Variants in APBA1 observed in about 807,000 individuals in gnomAD.
APBA1 encodes amyloid-beta A4 precursor protein-binding family A member 1.
A neutral mutation model predicts 86.6 loss-of-function variants in APBA1; 55 were observed. That is an observed-to-expected ratio of 0.64 (90% confidence interval 0.51 to 0.80). The LOEUF (loss-of-function observed/expected upper bound fraction) is 0.80. Ranked by LOEUF, APBA1 falls within the 30% of genes least tolerant of loss-of-function variation. The probability of loss-of-function intolerance (pLI) is 0.00; values close to 1 mark genes in which losing one functional copy is unlikely to be tolerated. For synonymous variants in APBA1, 511 were observed against 493.9 expected (o/e 1.03, Z -0.46); for missense variants, 1,090 against 1,183.0 (o/e 0.92, Z 1.15).
chr9:69,555,365 G>T (rs896431862), intron 1 of APBA1, among the ~76,000 whole-genome samples: 5 of 152,146 alleles, frequency 3.3e-5, no homozygotes, highest in Non-Finnish European at 2.9e-5. Flanking sequence ...TATGAGTTTT[G>T]AAGGCTGGGG....
At chr9:69,610,148 T>C (rs991316895) in intron 1 of APBA1, among the ~76,000 whole-genome samples, 9 of 152,038 alleles carry the variant, frequency 5.9e-5, no homozygotes, top group Admixed American at 1.3e-4. Context: ...TGAGACTCTG[T>C]CTCCACAAAA....
intron 1 of APBA1, among the ~76,000 whole-genome samples, chr9:69,596,756 CA>C (rs1337899945): frequency 2.0e-5 from 3 of 152,206 alleles, no homozygotes; most frequent in Non-Finnish European, 4.4e-5. Context: ...CATCTAGAAG[CA>C]GAGGGCAGAT....
intron 1 of APBA1, among the ~76,000 whole-genome samples, chr9:69,642,470 G>T (rs1823306714): frequency 6.6e-6 from 1 of 152,152 alleles, no homozygotes; most frequent in African/African-American, 2.4e-5. Flanking sequence ...TGACAAGGAT[G>T]CAGAACAACT....
chr9:69,559,864 T>C (rs894080795), intron 1 of APBA1, among the ~76,000 whole-genome samples: 2 of 152,242 alleles, frequency 1.3e-5, no homozygotes, highest in African/African-American at 2.4e-5. Context: ...AAAGAATTGA[T>C]AGAAGTCAAT....
At chr9:69,557,235 A>G (rs1460776512) in intron 1 of APBA1, among the ~76,000 whole-genome samples, 2 of 152,218 alleles carry the variant, frequency 1.3e-5, no homozygotes, top group East Asian at 3.8e-4. Context: ...AAGAGAATCT[A>G]TGGCCAAGTC....
At chr9:69,572,738 TCCTCCA>T (rs1837135704) in intron 1 of APBA1, among the ~76,000 whole-genome samples, 1 of 152,176 alleles carries the variant, frequency 6.6e-6, no homozygotes, top group African/African-American at 2.4e-5. Context: ...AACTGAAAAC[TCCTCCA>T]CATGAGAGCT....
Position 69,580,964 on chromosome 9 carries a change from T to G in APBA1, c.-69-63685A>C, listed in dbSNP as rs190820196. On this transcript the variant is annotated intron_variant, in intron 1 of 12. Transcript: ENST00000265381. ...TGGGTATTCTGACCTGGATCCATCT[T>G]TGCCATGCCTCTGTGAGCCTCTGAT... 3.2e-3 allele frequency among the ~76,000 whole-genome samples: 485 copies of G among 152,296 alleles called. 11 individuals carry two copies. Among genetic ancestry groups the G allele is most frequent in the Admixed American group, 0.029 (450 of 15,292 alleles).
intron 2 of APBA1, among the ~76,000 whole-genome samples, chr9:69,482,129 A>G (rs1835521024): frequency 6.6e-6 from 1 of 151,968 alleles, no homozygotes; most frequent in Non-Finnish European, 1.5e-5. Context: ...ATGGGATCTA[A>G]TTAAACTAAA....
chr9:69,613,453 A>G (rs1310562791), intron 1 of APBA1, among the ~76,000 whole-genome samples: 1 of 152,034 alleles, frequency 6.6e-6, no homozygotes, highest in African/African-American at 2.4e-5. Context: ...GAAGCTTTTC[A>G]GGTTCTTGTC....
rs1167310270 is a variant in APBA1, at chr9:69,430,729, C to T, written c.*598G>A. On this transcript the variant is annotated 3_prime_UTR_variant, in exon 13 of 13. Coordinates refer to ENST00000265381, the MANE Select transcript of APBA1 (RefSeq NM_001163.4). Reference sequence around the variant, plus strand: ...CCTTTTATCCTGGGGTGAGAAGGCTCGTATTAGAAAACACACATACGTTGA... The same window carrying T: ...CCTTTTATCCTGGGGTGAGAAGGCTTGTATTAGAAAACACACATACGTTGA... 1 of 152,408 alleles carries T rather than the reference C, an allele frequency of 6.6e-6. No individual in the cohort carries two copies. The highest frequency in any genetic ancestry group is 1.5e-5 in the Non-Finnish European group (1 of 68,034). 9.4% of individuals were successfully genotyped at this position (152,408 alleles called of 1,614,324 possible). A position where few individuals can be genotyped will look rare whatever the true frequency, so the allele number is the denominator to read the frequency against.
intron 1 of APBA1, among the ~76,000 whole-genome samples, chr9:69,552,258 T>C (rs752147699): frequency 3.3e-5 from 5 of 152,248 alleles, no homozygotes; most frequent in Admixed American, 6.5e-5. Flanking sequence ...GATTATTACA[T>C]TTAGGCTGAG....
intron 1 of APBA1, among the ~76,000 whole-genome samples, chr9:69,556,288 T>C (rs1184472133): frequency 6.6e-6 from 1 of 152,168 alleles, no homozygotes; most frequent in Non-Finnish European, 1.5e-5. Context: ...AAGTTTCCTT[T>C]GGTCAGCAAG....
intron 5 of APBA1, 115 bp from the exon 6 acceptor site, chr9:69,458,303 G>A (rs1835133748): frequency 7.1e-6 from 6 of 844,548 alleles, no homozygotes. Context: ...AAGCGTTTCT[G>A]TGGGAGGAGG....
chr9:69,650,196 T>A (rs1242172590), intron 1 of APBA1, among the ~76,000 whole-genome samples: 1 of 152,206 alleles, frequency 6.6e-6, no homozygotes, highest in African/African-American at 2.4e-5. Flanking sequence ...TTAACCTCTC[T>A]GCTTCAGTGT....
At chr9:69,492,048 A>G (rs1218013863) in intron 2 of APBA1, among the ~76,000 whole-genome samples, 1 of 152,138 alleles carries the variant, frequency 6.6e-6, no homozygotes, top group Non-Finnish European at 1.5e-5. Context: ...TACAGGCATG[A>G]GCCACTGCTG....
intron 2 of APBA1, among the ~76,000 whole-genome samples, chr9:69,482,638 A>G (rs992694962): frequency 1.3e-4 from 20 of 151,634 alleles, no homozygotes; most frequent in African/African-American, 4.8e-4. Context: ...TACCCAAAGG[A>G]CTATAAATCA....
chr9:69,603,617 A>G (rs563414506), intron 1 of APBA1, among the ~76,000 whole-genome samples: 1 of 152,396 alleles, frequency 6.6e-6, no homozygotes, highest in South Asian at 2.1e-4. Context: ...ATAGGTCTAC[A>G]GCTAAAAGTA....
intron 1 of APBA1, among the ~76,000 whole-genome samples, chr9:69,578,293 C>T (rs1821846633): frequency 6.6e-6 from 1 of 152,180 alleles, no homozygotes; most frequent in African/African-American, 2.4e-5. Context: ...CCCCACAGAC[C>T]CTGCCTCTCC....
intron 1 of APBA1, among the ~76,000 whole-genome samples, chr9:69,546,943 T>G (rs10125081): frequency 2.2e-4 from 33 of 152,208 alleles, no homozygotes; most frequent in African/African-American, 8.0e-4. Context: ...CTACGGCAGT[T>G]TAAAAGTGTT....
Sources: allele counts gnomAD v4.1 joint callset (sites outside exome capture counted in the v4.1 genomes callset), GRCh38; gene constraint gnomAD v4.1.1; transcripts MANE v1.5; gene names NCBI Gene and HGNC (gene_info 2026-07-23, HGNC 2026-07-21).